HDAC9: variants seen among roughly 807,000 people sequenced by gnomAD.
HDAC9 encodes MEF-2 interacting transcription repressor (MITR) protein.
A neutral mutation model predicts 139.4 loss-of-function variants in HDAC9; 41 were observed. That is an observed-to-expected ratio of 0.29 (90% CI 0.23 to 0.38). HDAC9 has a LOEUF of 0.38. Among genes scored for constraint, HDAC9 ranks in the 10% least tolerant of loss-of-function variants. HDAC9 has a pLI of 1.00. For missense variants in HDAC9, 1,147 were observed against 1,297.0 expected (o/e 0.88, Z 1.78); for synonymous variants, 517 against 476.2 (o/e 1.09, Z -1.12).
chr7:18,204,387 G>A (rs6975655), intron 2 of HDAC9, among the ~76,000 whole-genome samples: 7,653 of 136,618 alleles, frequency 0.056, 691 homozygotes, highest in African/African-American at 0.19. Flanking sequence ...CTGGCCTGAT[G>A]TTATTAGGTT....
chr7:18,359,238 C>T (rs566511694), intron 1 of HDAC9, among the ~76,000 whole-genome samples: 137 of 152,206 alleles, frequency 9.0e-4, no homozygotes, highest in African/African-American at 3.2e-3. Flanking sequence ...CACCCAGCAA[C>T]TTGGGAGGCT....
chr7:18,856,439 A>C (rs1349935201), intron 21 of HDAC9, among the ~76,000 whole-genome samples: 1 of 152,132 alleles, frequency 6.6e-6, no homozygotes, highest in Non-Finnish European at 1.5e-5. Flanking sequence ...TTATCTCTCC[A>C]CCACTCATGG....
intron 25 of HDAC9, among the ~76,000 whole-genome samples, chr7:18,977,915 G>GAC (rs1234499048): frequency 1.6e-4 from 16 of 103,124 alleles, no homozygotes; most frequent in African/African-American, 4.6e-4. Context: ...GAGACAGACA[G>GAC]ACAGACACAC....
In HDAC9 at chr7:18,495,955, T is replaced by C. The variant is rs1216705923; in HGVS notation, c.-110T>C. ...CACGTTCCTATTTCCCACCTGCTTG[T>C]AGTTTCCGGGATAACCTAAACTCCA... On this transcript the variant is annotated 5_prime_UTR_variant, in exon 1 of 26. Coordinates refer to ENST00000686413, the MANE Select transcript of HDAC9 (RefSeq NM_178425.4). 3.2e-6 allele frequency: 4 copies of C among 1,254,158 alleles called. No homozygotes were observed. The African/African-American group carries it at 6.1e-5, about 19-fold the overall frequency. 77.7% of individuals were successfully genotyped at this position (1,254,158 alleles called of 1,614,324 possible).
At chr7:18,156,567 G>A (rs1787218485) in intron 1 of HDAC9, among the ~76,000 whole-genome samples, 1 of 152,194 alleles carries the variant, frequency 6.6e-6, no homozygotes, top group Non-Finnish European at 1.5e-5. Flanking sequence ...TTATTCATCA[G>A]GAACTTATTG....
chr7:18,514,230 A>T (rs1411272542), intron 2 of HDAC9, among the ~76,000 whole-genome samples: 7 of 152,226 alleles, frequency 4.6e-5, no homozygotes. Context: ...GTAGCAAGTT[A>T]TGTCATTCTT....
intron 12 of HDAC9, among the ~76,000 whole-genome samples, chr7:18,678,792 T>C (rs2129088535): frequency 6.6e-6 from 1 of 152,116 alleles, no homozygotes; most frequent in South Asian, 2.1e-4. Context: ...TTTCCTGTTC[T>C]GTTTAATGTC....
In HDAC9 at chr7:18,874,652, G is replaced by A. The variant is rs1799184769; in HGVS notation, c.2803+56G>A. The stretch of plus-strand genomic sequence containing the variant: ...GCTCTGATATCATACCATCTTTTAG[G>A]TCTTTATGATAGACACCACCTTTTA... On this transcript the variant is annotated intron_variant, in intron 22 of 25. Transcript: ENST00000686413. 10 of 1,023,018 alleles carry A rather than the reference G, an allele frequency of 9.8e-6. No homozygotes were observed. In the Admixed American group the frequency reaches 2.0e-4, roughly 20 times the overall value. 63.4% of individuals were successfully genotyped at this position (1,023,018 alleles called of 1,614,324 possible).
At chr7:18,243,021 G>A (rs1794291796) in intron 2 of HDAC9, among the ~76,000 whole-genome samples, 1 of 130,536 alleles carries the variant, frequency 7.7e-6, no homozygotes, top group African/African-American at 3.0e-5. Context: ...AAAAGATGTG[G>A]AAGGTTACTT....
intron 2 of HDAC9, among the ~76,000 whole-genome samples, chr7:18,535,443 C>A (rs1175218493): frequency 6.6e-6 from 1 of 151,658 alleles, no homozygotes; most frequent in Non-Finnish European, 1.5e-5. Context: ...CCCATTATTG[C>A]CATGGACCTG....
chr7:18,405,537 G>T (rs1449877180), intron 1 of HDAC9, among the ~76,000 whole-genome samples: 1 of 152,084 alleles, frequency 6.6e-6, no homozygotes, highest in Non-Finnish European at 1.5e-5. Context: ...TCCTGGTATT[G>T]AGCAACTTTT....
At chr7:18,374,059 C>T (rs1288897453) in intron 1 of HDAC9, among the ~76,000 whole-genome samples, 3 of 151,530 alleles carry the variant, frequency 2.0e-5, no homozygotes, top group African/African-American at 4.8e-5. Flanking sequence ...AGTTCCCTCT[C>T]GGATGTGTTT....
At position 18,996,472 on chromosome 7, in the gene HDAC9, GC is replaced by G. The variant is rs1487819858; in HGVS notation, c.*411del. ...ATAGTCATTCCTGACATTCTGATCA[GC>G]TTTTTTTGGGGTAATTTGTTTTTCA... On this transcript the variant is annotated 3_prime_UTR_variant, in exon 26 of 26. Coordinates refer to ENST00000686413, the MANE Select transcript of HDAC9 (RefSeq NM_178425.4). 1 of 160,372 alleles carries G rather than the reference GC, an allele frequency of 6.2e-6. No homozygotes were observed. The highest frequency in any genetic ancestry group is 1.4e-5 in the Non-Finnish European group (1 of 73,184). The allele number at this position is 160,372 out of a possible 1,614,324, so 9.9% of individuals were successfully genotyped here. A position where few individuals can be genotyped will look rare whatever the true frequency, so the allele number is the denominator to read the frequency against.
intron 2 of HDAC9, among the ~76,000 whole-genome samples, chr7:18,237,149 G>A (rs1342728259): frequency 6.6e-6 from 1 of 152,206 alleles, no homozygotes. Flanking sequence ...TTACACTGTT[G>A]TTGGTTGGGG....
chr7:18,496,501 A>G, intron 2 of HDAC9, 177 bp downstream of exon 2: 3 of 600,822 alleles, frequency 5.0e-6, no homozygotes, highest in Non-Finnish European at 9.0e-6. Flanking sequence ...GTTTCTGTGC[A>G]TATTCAGTCT....
chr7:18,433,599 C>A (rs998450154), intron 1 of HDAC9, among the ~76,000 whole-genome samples: 36 of 152,138 alleles, frequency 2.4e-4, no homozygotes, highest in Non-Finnish European at 3.7e-4. Flanking sequence ...GTGCAAAAAT[C>A]AGTAGCACTT....
intron 23 of HDAC9, among the ~76,000 whole-genome samples, chr7:18,953,469 G>C (rs1461903026): frequency 2.0e-5 from 3 of 152,212 alleles, no homozygotes; most frequent in South Asian, 2.1e-4. Context: ...TGCTTGCTGA[G>C]CTTCTCCATG....
intron 1 of HDAC9, among the ~76,000 whole-genome samples, chr7:18,414,840 G>C (rs745848213): frequency 1.3e-5 from 2 of 152,134 alleles, no homozygotes; most frequent in African/African-American, 2.4e-5. Flanking sequence ...GGGAAGCAGA[G>C]GATGTTTGAT....
intron 17 of HDAC9, among the ~76,000 whole-genome samples, chr7:18,809,612 A>G (rs1421947569): frequency 2.6e-5 from 4 of 152,016 alleles, no homozygotes; most frequent in East Asian, 1.9e-4. Flanking sequence ...TGGCCAACAG[A>G]TACATGAAAA....
Sources: allele counts gnomAD v4.1 joint callset (sites outside exome capture counted in the v4.1 genomes callset), GRCh38; gene constraint gnomAD v4.1.1; transcripts MANE v1.5; gene names NCBI Gene and HGNC (gene_info 2026-07-23, HGNC 2026-07-21).